WWOX: variants seen among roughly 807,000 people sequenced by gnomAD.
WWOX encodes WW domain-containing oxidoreductase.
In WWOX, 69 loss-of-function variants were observed where a neutral mutation model predicts 46.2. That is an observed-to-expected ratio of 1.49 (90% CI 1.23 to 1.82). WWOX has a LOEUF of 1.82. Ranked by LOEUF, WWOX falls within the 40% of genes most tolerant of loss-of-function variation. The pLI, the probability that WWOX is intolerant of heterozygous loss-of-function variation, is 0.00. For synonymous variants in WWOX, 359 were observed against 202.6 expected (o/e 1.77, Z -6.56); for missense variants, 919 against 542.6 (o/e 1.69, Z -6.89).
intron 8 of WWOX, chr16:78,896,592 C>G (rs994836087): frequency 6.6e-6 from 1 of 152,170 alleles, no homozygotes; most frequent in African/African-American, 2.4e-5. Context: ...GAAGCCTACT[C>G]TCTTTCCACA....
At chr16:79,083,387 C>T (rs2048796489) in intron 8 of WWOX, among the ~76,000 whole-genome samples, 3 of 152,230 alleles carry the variant, frequency 2.0e-5, no homozygotes, top group South Asian at 4.1e-4. Flanking sequence ...CTCCTGGGTC[C>T]CTGAGTGACC....
intron 5 of WWOX, among the ~76,000 whole-genome samples, chr16:78,367,299 G>C (rs1164961948): frequency 6.6e-6 from 1 of 152,056 alleles, no homozygotes; most frequent in African/African-American, 2.4e-5. Flanking sequence ...AATTTTAATG[G>C]TCTAAATCAA....
intron 8 of WWOX, among the ~76,000 whole-genome samples, chr16:78,978,463 A>G (rs2046615759): frequency 6.6e-6 from 1 of 152,186 alleles, no homozygotes; most frequent in African/African-American, 2.4e-5. Flanking sequence ...AGCGAAGTGC[A>G]GGGGTTCCAG....
chr16:78,710,808 T>C (rs911790679), intron 8 of WWOX, among the ~76,000 whole-genome samples: 16 of 151,520 alleles, frequency 1.1e-4, no homozygotes, highest in Admixed American at 9.9e-4. Flanking sequence ...AGAGATAGGA[T>C]CTCTCCCTTT....
At chr16:78,374,783 C>G (rs560302158) in intron 5 of WWOX, among the ~76,000 whole-genome samples, 2 of 152,084 alleles carry the variant, frequency 1.3e-5, no homozygotes, top group South Asian at 2.1e-4. Context: ...ATCTCCTGAC[C>G]TTGTGGTCCG....
chr16:78,353,878 A>G (rs1294983255), intron 5 of WWOX, among the ~76,000 whole-genome samples: 1 of 152,232 alleles, frequency 6.6e-6, no homozygotes, highest in Non-Finnish European at 1.5e-5. Flanking sequence ...CCGAGTTGTC[A>G]GGATTCTCGT....
chr16:78,349,176 C>G (rs2081144961), intron 5 of WWOX, among the ~76,000 whole-genome samples: 1 of 120,876 alleles, frequency 8.3e-6, no homozygotes. Context: ...CGTGACCTAG[C>G]CGCTGTGTGC....
At chr16:78,202,180 C>G (rs146868863) in intron 5 of WWOX, among the ~76,000 whole-genome samples, 24 of 152,300 alleles carry the variant, frequency 1.6e-4, no homozygotes, top group African/African-American at 5.1e-4. Context: ...TGATTCCAGA[C>G]CAGTAATGTC....
chr16:79,147,908 C>A (rs75904074), intron 8 of WWOX, among the ~76,000 whole-genome samples: 4,061 of 152,006 alleles, frequency 0.027, 198 homozygotes, highest in African/African-American at 0.094. Context: ...GTTTTTTTCT[C>A]ATTTTCTATT....
intron 5 of WWOX, among the ~76,000 whole-genome samples, chr16:78,335,863 G>C (rs11647277): frequency 0.2 from 30,547 of 152,090 alleles, 3,642 homozygotes; most frequent in East Asian, 0.45. Flanking sequence ...AGGCCGAGGC[G>C]GGTGGATCGC....
chr16:78,584,862 G>A lies in WWOX; in HGVS notation c.1056+152110G>A, dbSNP rs536746470. The stretch of plus-strand genomic sequence containing the variant: ...GCTTAATATTTGTGCACGTCGGTGC[G>A]TGTAAGCAATATCTCAAAACATTTG... On this transcript the variant is annotated intron_variant, in intron 8 of 8. Transcript: ENST00000566780. 1.2e-4 allele frequency among the ~76,000 whole-genome samples: 19 copies of A among 152,336 alleles called. No individual in the cohort carries two copies. In the East Asian group the frequency reaches 1.4e-3, roughly 11 times the overall value.
At chr16:79,124,638 A>G (rs1343919466) in intron 8 of WWOX, among the ~76,000 whole-genome samples, 1 of 152,196 alleles carries the variant, frequency 6.6e-6, no homozygotes, top group Non-Finnish European at 1.5e-5. Context: ...GGAATGATGA[A>G]TATGTTCAGG....
At chr16:78,140,601 G>A (rs1567594288) in intron 4 of WWOX, among the ~76,000 whole-genome samples, 1 of 152,068 alleles carries the variant, frequency 6.6e-6, no homozygotes, top group Non-Finnish European at 1.5e-5. Flanking sequence ...GCCTCCATCT[G>A]CACAAGCCAT....
chr16:78,293,473 G>A (rs1263079797), intron 5 of WWOX, among the ~76,000 whole-genome samples: 1 of 152,018 alleles, frequency 6.6e-6, no homozygotes, highest in African/African-American at 2.4e-5. Context: ...CCTGTATGTC[G>A]TCCCTCTTTC....
chr16:78,929,967 C>G (rs542618291), intron 8 of WWOX, among the ~76,000 whole-genome samples: 42 of 152,266 alleles, frequency 2.8e-4, no homozygotes, highest in Non-Finnish European at 4.7e-4. Context: ...GCCCTTGCAG[C>G]TAGCTCTCTG....
chr16:78,606,419 A>G (rs190326000), intron 8 of WWOX, among the ~76,000 whole-genome samples: 192 of 152,190 alleles, frequency 1.3e-3, no homozygotes, highest in African/African-American at 4.4e-3. Context: ...TGTGGGCTAC[A>G]TGCTTTTCAG....
chr16:78,644,615 C>T (rs2046797702), intron 8 of WWOX, among the ~76,000 whole-genome samples: 2 of 152,134 alleles, frequency 1.3e-5, no homozygotes, highest in Admixed American at 6.5e-5. Flanking sequence ...GAGCCTGCCA[C>T]CACGCCTGGC....
intron 8 of WWOX, among the ~76,000 whole-genome samples, chr16:79,088,227 C>T (rs912713961): frequency 6.6e-6 from 1 of 152,156 alleles, no homozygotes. Context: ...TTCAAGCAGC[C>T]TAGACTTGGA....
At chr16:79,109,778 A>C (rs901569279) in intron 8 of WWOX, among the ~76,000 whole-genome samples, 5 of 152,236 alleles carry the variant, frequency 3.3e-5, no homozygotes, top group African/African-American at 1.2e-4. Flanking sequence ...TCAGATAACT[A>C]GGAAGAAATC....
Sources: allele counts gnomAD v4.1 joint callset (sites outside exome capture counted in the v4.1 genomes callset), GRCh38; gene constraint gnomAD v4.1.1; transcripts MANE v1.5; gene names NCBI Gene and HGNC (gene_info 2026-07-23, HGNC 2026-07-21).